The following MECOM variants were observed in gnomAD, a reference collection of about 807,000 sequenced individuals.
MECOM encodes the protein histone-lysine N-methyltransferase MECOM.
In MECOM, 13 loss-of-function variants were observed where a neutral mutation model predicts 116.3. The ratio of observed to expected loss-of-function variants is 0.11; its 90% confidence interval spans 0.07 to 0.18. The LOEUF (loss-of-function observed/expected upper bound fraction) is 0.18. MECOM is among the 10% of genes least tolerant of loss of function. The probability of loss-of-function intolerance (pLI) is 1.00; values close to 1 mark genes in which losing one functional copy is unlikely to be tolerated. For missense variants in MECOM, 1,299 were observed against 1,509.0 expected (o/e 0.86, Z 2.31); for synonymous variants, 528 against 535.2 (o/e 0.99, Z 0.19).
chr3:169,321,496 G>C (rs565709575), intron 2 of MECOM, among the ~76,000 whole-genome samples: 4 of 151,850 alleles, frequency 2.6e-5, no homozygotes, highest in Non-Finnish European at 5.9e-5. Flanking sequence ...AGCTGAGATT[G>C]CAACACTGCA....
chr3:169,556,734 T>C (rs1762070685), intron 1 of MECOM, among the ~76,000 whole-genome samples: 1 of 152,042 alleles, frequency 6.6e-6, no homozygotes, highest in Admixed American at 6.5e-5. Flanking sequence ...GACAGCCCTA[T>C]AGAGACACCC....
At chr3:169,530,817 C>T (rs1334483642) in intron 1 of MECOM, among the ~76,000 whole-genome samples, 1 of 151,918 alleles carries the variant, frequency 6.6e-6, no homozygotes, top group Non-Finnish European at 1.5e-5. Flanking sequence ...CCATGTAATA[C>T]CTATCTCAGT....
chr3:169,492,162 G>A (rs1213765697), intron 1 of MECOM, among the ~76,000 whole-genome samples: 3 of 152,190 alleles, frequency 2.0e-5, no homozygotes, highest in Non-Finnish European at 4.4e-5. Context: ...TAAAGGAAGA[G>A]AAGATGCACA....
intron 1 of MECOM, among the ~76,000 whole-genome samples, chr3:169,543,615 T>A (rs1760367850): frequency 6.6e-6 from 1 of 152,150 alleles, no homozygotes; most frequent in African/African-American, 2.4e-5. Flanking sequence ...AATTTAAAAG[T>A]AATTCCAGAC....
rs1560317466 is a variant in MECOM, at chr3:169,472,501, AG to A, written c.38-90978del. Among the ~76,000 whole-genome samples, 369 of 89,484 alleles carry A rather than the reference AG, an allele frequency of 4.1e-3. 5 individuals are homozygous for A. Among genetic ancestry groups the A allele is most frequent in the African/African-American group, 9.2e-3 (180 of 19,528 alleles). The allele number at this position is 89,484 out of a possible 152,430, so 58.7% of individuals were successfully genotyped here. A position where few individuals can be genotyped will look rare whatever the true frequency, so the allele number is the denominator to read the frequency against. ...AGGAAAGGAAAGGAAAGGAAAGGAA[AG>A]GAAAGGAAAGGAAAGGAAAGAAAAG... is the stretch of plus-strand genomic sequence containing the variant. On this transcript the variant is annotated intron_variant, in intron 1 of 16. Transcript: ENST00000651503.
Position 169,092,990 on chromosome 3 carries a change from A to G in MECOM, c.3132T>C (p.His1044=), listed in dbSNP as rs1309122566. ...CCACATTCCTGGGAGATTGGCTGCC[A>G]TGGTTGCTGTTCCCAATGAAATTTC... ...EIRNFIGNSN[H]GSQSPRNVEE... Residue 1044 remains histidine, a synonymous_variant, in exon 14 of 17, where the codon CAT becomes CAC. Transcript: ENST00000651503. 4 of 1,613,678 alleles carry G rather than the reference A, an allele frequency of 2.5e-6. No individual in the cohort carries two copies. Among genetic ancestry groups the G allele is most frequent in the Admixed American group, 1.7e-5 (1 of 59,968 alleles).
At chr3:169,291,219 C>A (rs1479239726) in intron 2 of MECOM, among the ~76,000 whole-genome samples, 2 of 152,110 alleles carry the variant, frequency 1.3e-5, no homozygotes, top group African/African-American at 4.8e-5. Context: ...ATAAATCACC[C>A]TTTATCCTTC....
At chr3:169,499,346 CAAAAAAAAAAAAA>C (rs60302997) in intron 1 of MECOM, among the ~76,000 whole-genome samples, 2,700 of 51,684 alleles carry the variant, frequency 0.052, 73 homozygotes, top group Middle Eastern at 0.12. Flanking sequence ...AGATTACCCA[CAAAAAAAAAAAAA>C]AAAAAAAAAA....
rs961332448 is a variant in MECOM, at chr3:169,518,448, C to T, written c.38-136924G>A. On this transcript the variant is annotated intron_variant, in intron 1 of 16. Coordinates refer to ENST00000651503, the MANE Select transcript of MECOM (RefSeq NM_004991.4). ...TTTTTCCTGGGATTATGAATCTAAC[C>T]TCCAATTCTGGCAACTGGACTCATT... 2.0e-5 allele frequency among the ~76,000 whole-genome samples: 3 copies of T among 152,022 alleles called. No homozygotes were observed. In the East Asian group the frequency reaches 5.8e-4, roughly 29 times the overall value.
chr3:169,386,524 G>C lies in MECOM; in HGVS notation c.38-5000C>G, dbSNP rs576546456. 5.3e-5 allele frequency among the ~76,000 whole-genome samples: 8 copies of C among 152,106 alleles called. No homozygotes were observed. In the East Asian group the frequency reaches 1.2e-3, roughly 22 times the overall value. On this transcript the variant is annotated intron_variant, in intron 1 of 16. Coordinates refer to ENST00000651503, the MANE Select transcript of MECOM (RefSeq NM_004991.4). ...TACTTTGGCTTTTGACTTTTTCATT[G>C]GATTATAGTTTATTATAAACCCTTC...
chr3:169,168,475 C>T (rs1344410709), intron 2 of MECOM, among the ~76,000 whole-genome samples: 1 of 151,418 alleles, frequency 6.6e-6, no homozygotes, highest in African/African-American at 2.4e-5. Flanking sequence ...ATAAATTTTG[C>T]CAGTTTTTAC....
intron 2 of MECOM, among the ~76,000 whole-genome samples, chr3:169,347,621 C>A (rs1169235877): frequency 6.6e-6 from 1 of 152,006 alleles, no homozygotes; most frequent in African/African-American, 2.4e-5. Flanking sequence ...AAGATATCTA[C>A]AAGAGAAGTT....
chr3:169,188,046 A>T (rs1747003248), intron 2 of MECOM, among the ~76,000 whole-genome samples: 1 of 152,148 alleles, frequency 6.6e-6, no homozygotes, highest in Non-Finnish European at 1.5e-5. Flanking sequence ...CAATTAAAAA[A>T]TTGCTGAGAA....
intron 1 of MECOM, among the ~76,000 whole-genome samples, chr3:169,605,868 G>A (rs373506663): frequency 5.8e-4 from 89 of 152,252 alleles, no homozygotes; most frequent in African/African-American, 2.0e-3. Context: ...ATGATGTAAC[G>A]CATTTGATGC....
chr3:169,181,845 T>A (rs1479400518), intron 2 of MECOM, among the ~76,000 whole-genome samples: 2 of 152,208 alleles, frequency 1.3e-5, no homozygotes, highest in Non-Finnish European at 2.9e-5. Flanking sequence ...TCCCTGCTTC[T>A]GTGACCCTGG....
intron 2 of MECOM, among the ~76,000 whole-genome samples, chr3:169,178,514 G>C (rs1174107254): frequency 6.6e-6 from 1 of 152,088 alleles, no homozygotes; most frequent in African/African-American, 2.4e-5. Context: ...TTGAAGCTTG[G>C]GGAGGACAAT....
At chr3:169,264,544 A>G (rs1758024239) in intron 2 of MECOM, among the ~76,000 whole-genome samples, 1 of 152,164 alleles carries the variant, frequency 6.6e-6, no homozygotes, top group Non-Finnish European at 1.5e-5. Context: ...GGAGCCACAG[A>G]ATGCTAGAAG....
chr3:169,309,408 A>G (rs1002947877), intron 2 of MECOM, among the ~76,000 whole-genome samples: 8 of 152,230 alleles, frequency 5.3e-5, no homozygotes, highest in Admixed American at 2.6e-4. Context: ...ACAACCAGGC[A>G]TAAACTTCTG....
chr3:169,151,308 A>G (rs1239995252), intron 2 of MECOM, among the ~76,000 whole-genome samples: 50 of 152,214 alleles, frequency 3.3e-4, no homozygotes, highest in Non-Finnish European at 7.3e-5. Context: ...TAAAAACAAG[A>G]CAACTTGCTG....
Sources: gnomAD v4.1 joint callset for allele counts (sites outside exome capture counted in the v4.1 genomes callset) on GRCh38, gnomAD v4.1.1 for gene constraint, MANE v1.5 for transcripts, NCBI Gene and HGNC (gene_info 2026-07-23, HGNC 2026-07-21) for gene names.